The following NRXN3 variants were observed in gnomAD, a reference collection of about 807,000 sequenced individuals.
NRXN3 encodes the protein neurexin III.
NRXN3 carries 32 observed loss-of-function variants against 137.6 expected under a neutral mutation model. The observed-to-expected ratio is 0.23, with a 90% CI of 0.18 to 0.31. The LOEUF (loss-of-function observed/expected upper bound fraction) is 0.31, where lower values mean the gene tolerates loss of function less well. Among genes scored for constraint, NRXN3 ranks in the 10% least tolerant of loss-of-function variants. The pLI is 1.00. For synonymous variants in NRXN3, 798 were observed against 784.5 expected, an observed-to-expected ratio of 1.02 and a Z score of -0.29; for missense variants, 1,574 against 2,062.5, an observed-to-expected ratio of 0.76 and a Z score of 4.59.
intron 15 of NRXN3, among the ~76,000 whole-genome samples, chr14:79,197,430 C>T (rs879457039): frequency 7.2e-5 from 11 of 152,220 alleles, no homozygotes; most frequent in African/African-American, 2.6e-4. Flanking sequence ...CTGCTTACCC[C>T]GAACAAGAGT....
intron 15 of NRXN3, among the ~76,000 whole-genome samples, chr14:79,441,904 G>A (rs143697941): frequency 6.7e-6 from 1 of 150,230 alleles, no homozygotes; most frequent in African/African-American, 2.4e-5. Context: ...GCCAAATTCA[G>A]GATACATGTT....
intron 15 of NRXN3, among the ~76,000 whole-genome samples, chr14:79,285,604 T>C (rs773917552): frequency 4.6e-5 from 7 of 152,104 alleles, no homozygotes; most frequent in African/African-American, 7.2e-5. Flanking sequence ...TGTGTCCTCA[T>C]AGGGTCTCAC....
chr14:79,171,733 G>GA (rs1288958744), intron 15 of NRXN3, among the ~76,000 whole-genome samples: 1 of 152,010 alleles, frequency 6.6e-6, no homozygotes. Flanking sequence ...AATATATGGG[G>GA]AAAAAATGGC....
At chr14:78,213,195 C>T (rs1256171860) in intron 1 of NRXN3, among the ~76,000 whole-genome samples, 1 of 152,160 alleles carries the variant, frequency 6.6e-6, no homozygotes, top group East Asian at 1.9e-4. Context: ...GATGTGCTGC[C>T]TGAGTCCCAG....
intron 10 of NRXN3, among the ~76,000 whole-genome samples, chr14:78,923,507 A>G (rs2099276701): frequency 6.6e-6 from 1 of 152,228 alleles, no homozygotes; most frequent in Admixed American, 6.5e-5. Context: ...TTTCACTTAG[A>G]GAGAATGGCT....
intron 10 of NRXN3, among the ~76,000 whole-genome samples, chr14:78,941,445 C>T (rs752062222): frequency 2.6e-5 from 4 of 152,228 alleles, no homozygotes; most frequent in East Asian, 1.9e-4. Flanking sequence ...CCCCCATTCT[C>T]ACCCAGTCTA....
At chr14:78,605,189 AG>A (rs931991951) in intron 4 of NRXN3, among the ~76,000 whole-genome samples, 3 of 152,154 alleles carry the variant, frequency 2.0e-5, no homozygotes, top group Non-Finnish European at 2.9e-5. Flanking sequence ...ATCTTCCCTC[AG>A]GCTCAAGAGG....
intron 15 of NRXN3, among the ~76,000 whole-genome samples, chr14:79,332,829 C>T (rs2091878606): frequency 6.6e-6 from 1 of 152,166 alleles, no homozygotes; most frequent in Non-Finnish European, 1.5e-5. Context: ...ATGCACTACA[C>T]ATTTGTTGAC....
Position 79,467,107 on chromosome 14 carries a change from C to G in NRXN3, c.3263-114C>G, listed in dbSNP as rs2096437602. On this transcript the variant is annotated intron_variant, in intron 15 of 20. Coordinates refer to ENST00000335750, the MANE Select transcript of NRXN3 (RefSeq NM_001330195.2). Reference sequence around the variant, plus strand: ...TTCCTCTCAGTAACCAAATACTGTCCCATGGGGGACATTTCCTCTCTGCAG... The same window carrying G: ...TTCCTCTCAGTAACCAAATACTGTCGCATGGGGGACATTTCCTCTCTGCAG... 7 of 1,024,568 alleles carry G rather than the reference C, an allele frequency of 6.8e-6. No individual in the cohort carries two copies. The South Asian group carries it at 8.7e-5, about 13-fold the overall frequency. 63.5% of individuals were successfully genotyped at this position (1,024,568 alleles called of 1,614,324 possible).
At chr14:78,731,339 T>C (rs1323191490) in intron 8 of NRXN3, among the ~76,000 whole-genome samples, 1 of 152,050 alleles carries the variant, frequency 6.6e-6, no homozygotes, top group Admixed American at 6.6e-5. Flanking sequence ...TGAATCTCCA[T>C]TTAAAAAAAT....
At chr14:79,588,992 T>C (rs2097782354) in intron 16 of NRXN3, among the ~76,000 whole-genome samples, 1 of 152,180 alleles carries the variant, frequency 6.6e-6, no homozygotes, top group African/African-American at 2.4e-5. Context: ...CAGTGACTTA[T>C]GCTTGTAATC....
At chr14:78,755,596 G>C (rs1231820005) in intron 8 of NRXN3, among the ~76,000 whole-genome samples, 2 of 152,182 alleles carry the variant, frequency 1.3e-5, no homozygotes, top group African/African-American at 4.8e-5. Flanking sequence ...GTTGGGTCTT[G>C]TGAATTTACA....
chr14:79,780,396 C>A (rs1355059694), intron 19 of NRXN3, among the ~76,000 whole-genome samples: 1 of 151,524 alleles, frequency 6.6e-6, no homozygotes, highest in Non-Finnish European at 1.5e-5. Context: ...GTCAGGAGAT[C>A]GAGACCATCC....
chr14:79,504,902 T>G (rs2096862110), intron 16 of NRXN3, among the ~76,000 whole-genome samples: 1 of 151,898 alleles, frequency 6.6e-6, no homozygotes, highest in African/African-American at 2.4e-5. Flanking sequence ...CTTAGAAATA[T>G]CAAATAACAT....
At chr14:79,196,307 C>G (rs2065120869) in intron 15 of NRXN3, among the ~76,000 whole-genome samples, 1 of 152,134 alleles carries the variant, frequency 6.6e-6, no homozygotes, top group South Asian at 2.1e-4. Context: ...TTATTTGGCT[C>G]ACAGTTCTGG....
intron 10 of NRXN3, among the ~76,000 whole-genome samples, chr14:78,876,009 G>A (rs889404748): frequency 6.6e-6 from 1 of 152,112 alleles, no homozygotes; most frequent in Non-Finnish European, 1.5e-5. Flanking sequence ...AACTGGGTCT[G>A]GGCCCCATTT....
chr14:78,271,487 A>AC (rs11431030), intron 2 of NRXN3, among the ~76,000 whole-genome samples: 8,040 of 122,696 alleles, frequency 0.066, 434 homozygotes, highest in African/African-American at 0.15. Flanking sequence ...AAAAAAAAAA[A>AC]AAAACAAAAG....
At chr14:78,236,890 A>T (rs1425298729) in intron 1 of NRXN3, among the ~76,000 whole-genome samples, 3 of 152,202 alleles carry the variant, frequency 2.0e-5, no homozygotes, top group Non-Finnish European at 4.4e-5. Flanking sequence ...GAGAGAATTC[A>T]TGCCTTAACC....
intron 17 of NRXN3, among the ~76,000 whole-genome samples, chr14:79,681,194 C>CACAA (rs1307551572): frequency 6.6e-6 from 1 of 152,182 alleles, no homozygotes; most frequent in Non-Finnish European, 1.5e-5. Flanking sequence ...ACTTTTGCCA[C>CACAA]ACAAACTCCT....
Sources: allele counts gnomAD v4.1 joint callset (sites outside exome capture counted in the v4.1 genomes callset), GRCh38; gene constraint gnomAD v4.1.1; transcripts MANE v1.5; gene names NCBI Gene and HGNC (gene_info 2026-07-23, HGNC 2026-07-21).